IL7: variants seen among roughly 807,000 people sequenced by gnomAD.
The protein encoded by IL7 is interleukin 7.
Under a neutral mutation model 21.6 loss-of-function variants are expected in IL7, and 3 were observed. The ratio of observed to expected loss-of-function variants is 0.14; its 90% CI spans 0.06 to 0.36. The LOEUF (loss-of-function observed/expected upper bound fraction) is 0.36. IL7 is among the 10% of genes least tolerant of loss of function. IL7 has a pLI of 1.00. For synonymous variants in IL7, 62 were observed against 68.1 expected (o/e 0.91, Z 0.44); for missense variants, 175 against 200.2 (o/e 0.87, Z 0.76).
intron 3 of IL7, among the ~76,000 whole-genome samples, chr8:78,701,339 T>G (rs975697839): frequency 2.0e-5 from 3 of 152,188 alleles, no homozygotes; most frequent in African/African-American, 7.2e-5. Flanking sequence ...TGCACATTGA[T>G]TTTAGAATCC....
intron 2 of IL7, among the ~76,000 whole-genome samples, chr8:78,743,854 T>C (rs1811883083): frequency 6.6e-6 from 1 of 152,162 alleles, no homozygotes; most frequent in South Asian, 2.1e-4. Context: ...TGTGGTTTGC[T>C]GGGGGTCTAC....
chr8:78,692,585 G>C (rs1400131697), intron 3 of IL7, among the ~76,000 whole-genome samples: 1 of 152,082 alleles, frequency 6.6e-6, no homozygotes, highest in Non-Finnish European at 1.5e-5. Context: ...GGAGCAGTAA[G>C]GAGGTCTAAG....
At chr8:78,743,547 CTGTT>C (rs148227927) in intron 2 of IL7, among the ~76,000 whole-genome samples, 7,927 of 152,060 alleles carry the variant, frequency 0.052, 293 homozygotes, top group Middle Eastern at 0.088. Flanking sequence ...ATTCTTTCCT[CTGTT>C]TGGTCTATTC....
intron 2 of IL7, among the ~76,000 whole-genome samples, chr8:78,790,876 A>C (rs1813666682): frequency 6.6e-6 from 1 of 152,120 alleles, no homozygotes; most frequent in African/African-American, 2.4e-5. Flanking sequence ...CATTATTACG[A>C]AAATGATGGT....
At chr8:78,698,644 T>TC in intron 3 of IL7, 1 of 622,922 alleles carries the variant, frequency 1.6e-6, no homozygotes, top group Non-Finnish European at 2.5e-6. Flanking sequence ...ATTTTGCTGG[T>TC]CAGGAGCACA....
chr8:78,746,892 A>G, intron 2 of IL7: 2 of 361,360 alleles, frequency 5.5e-6, no homozygotes, highest in Admixed American at 3.7e-5. Flanking sequence ...GTTCATTCTT[A>G]CCCAATTTCT....
At chr8:78,687,855 AATAT>A (rs1334594209) in intron 3 of IL7, among the ~76,000 whole-genome samples, 7 of 86,724 alleles carry the variant, frequency 8.1e-5, no homozygotes, top group African/African-American at 1.5e-4. Context: ...ATATTTATAT[AATAT>A]ATATCTATAT....
intron 2 of IL7, among the ~76,000 whole-genome samples, chr8:78,778,065 C>T (rs1178950302): frequency 6.6e-6 from 1 of 152,054 alleles, no homozygotes; most frequent in Admixed American, 6.6e-5. Flanking sequence ...TATCCCTAAA[C>T]ATTTTCAACT....
chr8:78,707,234 A>G (rs986300086), intron 3 of IL7, among the ~76,000 whole-genome samples: 9 of 152,168 alleles, frequency 5.9e-5, no homozygotes, highest in Admixed American at 5.9e-4. Flanking sequence ...TTAAAAGCTG[A>G]TATTTTTCAG....
rs529689205 is a variant in IL7 at position 78,686,139 on chromosome 8, T to C, written n.215-192A>G. On this transcript the variant is annotated intron_variant and non_coding_transcript_variant, in intron 3 of 4. Coordinates refer to the IL7 transcript ENST00000523959. The stretch of plus-strand genomic sequence containing the variant: ...ATGTCCCCACCTCGTACTACTGTTA[T>C]AATGGCAATTACATTTTAACATGAG... 1.3e-4 allele frequency among the ~76,000 whole-genome samples: 20 copies of C among 152,338 alleles called. No individual in the cohort carries two copies. The East Asian group carries it at 2.1e-3, about 16-fold the overall frequency.
chr8:78,727,247 G>T (rs1811354379), intron 3 of IL7, among the ~76,000 whole-genome samples: 1 of 152,024 alleles, frequency 6.6e-6, no homozygotes, highest in African/African-American at 2.4e-5. Context: ...ATGTGAGACT[G>T]TGGTTGTAAT....
intron 3 of IL7, among the ~76,000 whole-genome samples, chr8:78,704,080 T>A (rs771278522): frequency 3.3e-5 from 5 of 152,130 alleles, no homozygotes; most frequent in Non-Finnish European, 5.9e-5. Context: ...GAGTTGGAAT[T>A]TCTTTTCTTT....
At chr8:78,742,823 T>A (rs953025099) in intron 2 of IL7, among the ~76,000 whole-genome samples, 1 of 152,182 alleles carries the variant, frequency 6.6e-6, no homozygotes, top group African/African-American at 2.4e-5. Flanking sequence ...GATTATTTCA[T>A]CACCCAGGTA....
At chr8:78,762,549 G>A (rs1812608144) in intron 2 of IL7, 3 of 471,480 alleles carry the variant, frequency 6.4e-6, no homozygotes, top group Admixed American at 4.8e-5. Flanking sequence ...CAGGGCCGAC[G>A]CGCGGGGGAG....
chr8:78,755,288 C>CTT (rs1812311801), intron 2 of IL7, among the ~76,000 whole-genome samples: 1 of 151,830 alleles, frequency 6.6e-6, no homozygotes, highest in Non-Finnish European at 1.5e-5. Context: ...TCTTTTTGAG[C>CTT]AGTATTGCTT....
intron 2 of IL7, among the ~76,000 whole-genome samples, chr8:78,747,530 T>C (rs1812024479): frequency 6.6e-6 from 1 of 152,226 alleles, no homozygotes; most frequent in South Asian, 2.1e-4. Context: ...CTGCTTATTT[T>C]TTAGAAAATC....
intron 3 of IL7, among the ~76,000 whole-genome samples, chr8:78,687,843 ATATATT>A (rs1440042558): frequency 6.5e-5 from 7 of 107,006 alleles, no homozygotes; most frequent in Non-Finnish European, 1.5e-4. Context: ...TAAATTATAT[ATATATT>A]TATATAATAT....
At chr8:78,730,280 A>T (rs1475267110), downstream of IL7, among the ~76,000 whole-genome samples, 1 of 151,996 alleles carries the variant, frequency 6.6e-6, no homozygotes, top group African/African-American at 2.4e-5. Flanking sequence ...ACGATGATTT[A>T]GCACCTTTCT....
chr8:78,686,216 G>C (rs1009986698), intron 3 of IL7, among the ~76,000 whole-genome samples: 1 of 152,100 alleles, frequency 6.6e-6, no homozygotes, highest in South Asian at 2.1e-4. Flanking sequence ...AGGATAAATA[G>C]ATGTAACACC....
Sources: allele counts gnomAD v4.1 joint callset (sites outside exome capture counted in the v4.1 genomes callset), GRCh38; gene constraint gnomAD v4.1.1; transcripts MANE v1.5; gene names NCBI Gene and HGNC (gene_info 2026-07-23, HGNC 2026-07-21).